SVOP: variants seen among roughly 807,000 people sequenced by gnomAD.
SVOP encodes the protein SV2 related protein, also known as synaptic vesicle 2-related protein.
A neutral mutation model predicts 69.1 loss-of-function variants in SVOP; 17 were observed. That is an observed-to-expected ratio of 0.25 (90% CI 0.17 to 0.37). The LOEUF (loss-of-function observed/expected upper bound fraction) is 0.37, where lower values mean the gene tolerates loss of function less well. Ranked by LOEUF, SVOP falls within the 10% of genes least tolerant of loss-of-function variation. The probability of loss-of-function intolerance (pLI) is 1.00; values close to 1 mark genes in which losing one functional copy is unlikely to be tolerated. For synonymous variants in SVOP, 238 were observed against 238.6 expected (o/e 1.00, Z 0.02); for missense variants, 435 against 597.5 (o/e 0.73, Z 2.84).
At chr12:108,971,361 C>T (rs139413004) in intron 5 of SVOP, among the ~76,000 whole-genome samples, 1 of 150,258 alleles carries the variant, frequency 6.7e-6, no homozygotes, top group Non-Finnish European at 1.5e-5. Context: ...CCCAGGAGGC[C>T]GAGGTTGCAG....
intron 1 of SVOP, among the ~76,000 whole-genome samples, chr12:109,002,232 G>T: frequency 2.5e-5 from 1 of 39,312 alleles, no homozygotes; most frequent in Non-Finnish European, 5.9e-5. Context: ...GGCCATCAGA[G>T]AAATGCAAAT....
chr12:108,912,361 G>A lies in SVOP; in HGVS notation c.*174C>T, dbSNP rs2039689511. On this transcript the variant is annotated 3_prime_UTR_variant, in exon 16 of 16. Coordinates refer to ENST00000610966, the MANE Select transcript of SVOP (RefSeq NM_018711.5). ...CTAGAGCAAACATCTCCCCATCCCT[G>A]GGTGGACCTCAATGAAGATGAGCAA... 6.8e-7 allele frequency: 1 copy of A among 1,471,314 alleles called. No individual in the cohort carries two copies. Among genetic ancestry groups the A allele is most frequent in the African/African-American group, 1.4e-5 (1 of 70,912 alleles). The allele number at this position is 1,471,314 out of a possible 1,614,324, so 91.1% of individuals were successfully genotyped here.
intron 4 of SVOP, among the ~76,000 whole-genome samples, chr12:108,973,860 G>A (rs146805252): frequency 0.038 from 5,841 of 152,256 alleles, 381 homozygotes; most frequent in African/African-American, 0.13. Context: ...GCTTTTCAAT[G>A]TAAACCCTTC....
At chr12:108,989,082 T>G (rs1237827538) in intron 1 of SVOP, among the ~76,000 whole-genome samples, 1 of 152,112 alleles carries the variant, frequency 6.6e-6, no homozygotes, top group Non-Finnish European at 1.5e-5. Context: ...CTCCTTTTTT[T>G]CTTTTGAGAC....
At chr12:108,938,585 T>G (rs1313485263) in intron 9 of SVOP, among the ~76,000 whole-genome samples, 2 of 152,224 alleles carry the variant, frequency 1.3e-5, no homozygotes, top group African/African-American at 2.4e-5. Flanking sequence ...CTCTAATCAC[T>G]GGTGAAATTC....
chr12:108,931,320 A>T (rs1462487612), intron 11 of SVOP, among the ~76,000 whole-genome samples: 1 of 152,240 alleles, frequency 6.6e-6, no homozygotes, highest in East Asian at 1.9e-4. Flanking sequence ...CTCTAACCTG[A>T]GTTCAATGCT....
chr12:108,949,604 A>C (rs539165850), intron 6 of SVOP, among the ~76,000 whole-genome samples: 9 of 152,204 alleles, frequency 5.9e-5, no homozygotes, highest in African/African-American at 2.2e-4. Context: ...TGAAAAAAAT[A>C]AATACATAAA....
At chr12:108,952,230 C>CTTTTTT (rs36191772) in intron 6 of SVOP, among the ~76,000 whole-genome samples, 28 of 98,390 alleles carry the variant, frequency 2.8e-4, no homozygotes, top group South Asian at 4.3e-4. Flanking sequence ...TTTCTTTTCT[C>CTTTTTT]TTTTTTTTTT....
At position 108,922,715 on chromosome 12, in the gene SVOP, C is replaced by T. The variant is rs754868666; in HGVS notation, c.1131G>A (p.Leu377=). Residue 377 remains leucine (L), a synonymous_variant, in exon 12 of 16, where the codon CTG becomes CTA. Coordinates refer to ENST00000610966, the MANE Select transcript of SVOP (RefSeq NM_018711.5). ...CTGGAAACTCAGAGAGGGTGGTCCA[C>T]AGCAAGTCCATGTAATCCTCCTCAC... ...YLSEEDYMDL[L]WTTLSEFPGV... 1 of 1,610,812 alleles carries T rather than the reference C, an allele frequency of 6.2e-7. No homozygotes were observed. The highest frequency in any genetic ancestry group is 1.3e-5 in the African/African-American group (1 of 74,984).
intron 6 of SVOP, among the ~76,000 whole-genome samples, chr12:108,950,815 A>G (rs943069479): frequency 1.3e-5 from 2 of 152,214 alleles, no homozygotes; most frequent in Non-Finnish European, 2.9e-5. Flanking sequence ...CACAAGAAAC[A>G]TCTTTTCCTA....
At chr12:108,946,711 A>ATTATTATTATTG (rs2039925626) in intron 6 of SVOP, among the ~76,000 whole-genome samples, 2 of 145,940 alleles carry the variant, frequency 1.4e-5, no homozygotes, top group Admixed American at 6.9e-5. Flanking sequence ...TATTATTATT[A>ATTATTATTATTG]TTATTATTAT....
At chr12:108,980,854 G>A (rs2040131951) in intron 2 of SVOP, among the ~76,000 whole-genome samples, 4 of 152,066 alleles carry the variant, frequency 2.6e-5, no homozygotes, top group Admixed American at 2.6e-4. Context: ...GAACCCAGGA[G>A]GTGGAGGTTG....
intron 11 of SVOP, among the ~76,000 whole-genome samples, chr12:108,931,572 G>T (rs1160527160): frequency 6.6e-6 from 1 of 152,138 alleles, no homozygotes; most frequent in Non-Finnish European, 1.5e-5. Flanking sequence ...GGTGGCTCAC[G>T]CCTGTAATCC....
chr12:108,938,775 C>T (rs200302577), intron 9 of SVOP, 52 bp downstream of exon 9: 7 of 1,612,310 alleles, frequency 4.3e-6, no homozygotes, highest in Non-Finnish European at 5.1e-6. Flanking sequence ...ACACACTCCC[C>T]TGCATGCACC....
At chr12:108,963,424 T>C (rs889472592) in intron 5 of SVOP, among the ~76,000 whole-genome samples, 5 of 152,352 alleles carry the variant, frequency 3.3e-5, no homozygotes, top group African/African-American at 1.2e-4. Context: ...TCTTCATTTT[T>C]ATGATTATGT....
At chr12:108,985,002 G>A (rs1378399114) in intron 1 of SVOP, among the ~76,000 whole-genome samples, 3 of 152,180 alleles carry the variant, frequency 2.0e-5, no homozygotes, top group African/African-American at 7.2e-5. Flanking sequence ...TGAGGAGGGA[G>A]GATTGCTTGG....
At chr12:109,010,645 C>T (rs1370873044) in intron 1 of SVOP, among the ~76,000 whole-genome samples, 1 of 152,094 alleles carries the variant, frequency 6.6e-6, no homozygotes, top group Non-Finnish European at 1.5e-5. Flanking sequence ...TCCCAAGTAG[C>T]TGTGACCACA....
At chr12:108,940,031 G>A (rs1276723470) in intron 8 of SVOP, among the ~76,000 whole-genome samples, 2 of 152,178 alleles carry the variant, frequency 1.3e-5, no homozygotes, top group African/African-American at 4.8e-5. Flanking sequence ...AGCTCCTATC[G>A]TGCTGTTACT....
In SVOP at chr12:109,020,985, G is replaced by A. The variant is rs1274733015; in HGVS notation, c.-117C>T. Reference sequence around the variant, plus strand: ...ACAGCACCCGCGCCGCTTCCTCCCTGGAGCAGCAGCTGTTCGGGGAGGGAG... The same window carrying A: ...ACAGCACCCGCGCCGCTTCCTCCCTAGAGCAGCAGCTGTTCGGGGAGGGAG... On this transcript the variant is annotated 5_prime_UTR_variant, in exon 1 of 16. Transcript: ENST00000610966. 5 of 621,996 alleles carry A rather than the reference G, an allele frequency of 8.0e-6. No individual in the cohort carries two copies. The African/African-American group carries it at 9.4e-5, about 12-fold the overall frequency. 38.5% of individuals were successfully genotyped at this position (621,996 alleles called of 1,614,324 possible).
Sources: allele counts gnomAD v4.1 joint callset (sites outside exome capture counted in the v4.1 genomes callset), GRCh38; gene constraint gnomAD v4.1.1; transcripts MANE v1.5; gene names NCBI Gene and HGNC (gene_info 2026-07-23, HGNC 2026-07-21).